Variants in CAMK2A observed in about 807,000 individuals in gnomAD.
CAMK2A encodes calcium/calmodulin dependent protein kinase II alpha, also known as calcium/calmodulin-dependent protein kinase type II subunit alpha.
A neutral mutation model predicts 79.2 loss-of-function variants in CAMK2A; 7 were observed. The ratio of observed to expected loss-of-function variants is 0.09; its 90% CI spans 0.05 to 0.17. The LOEUF (loss-of-function observed/expected upper bound fraction) is 0.17, where lower values mean the gene tolerates loss of function less well. Among genes scored for constraint, CAMK2A ranks in the 10% least tolerant of loss-of-function variants. The pLI, the probability that CAMK2A is intolerant of heterozygous loss-of-function variation, is 1.00. For synonymous variants in CAMK2A, 242 were observed against 251.7 expected (o/e 0.96, Z 0.36); for missense variants, 214 against 646.4 (o/e 0.33, Z 7.25).
intron 7 of CAMK2A, among the ~76,000 whole-genome samples, chr5:150,252,305 T>C (rs1484694579): frequency 6.6e-6 from 1 of 152,174 alleles, no homozygotes; most frequent in Non-Finnish European, 1.5e-5. Flanking sequence ...CTGTCACCAC[T>C]TCCCACTTCA....
At position 150,222,039 on chromosome 5, in the gene CAMK2A, G is replaced by GAT; in HGVS notation, c.*670_*671insAT. On this transcript the variant is annotated 3_prime_UTR_variant, in exon 19 of 19. Transcript: ENST00000671881. Reference sequence around the variant, plus strand: ...TCTCCAGGGATGACGGGGGTGGGGTGGGCAGGTTAATGTTGGAGGTGGACT... The same window carrying GAT: ...TCTCCAGGGATGACGGGGGTGGGGTGATGGCAGGTTAATGTTGGAGGTGGACT... 1.6e-5 allele frequency: 3 copies of GAT among 192,622 alleles called. No individual in the cohort carries two copies. Among genetic ancestry groups the GAT allele is most frequent in the Non-Finnish European group, 3.2e-5 (3 of 92,588 alleles). 11.9% of individuals were successfully genotyped at this position (192,622 alleles called of 1,614,324 possible). A position where few individuals can be genotyped will look rare whatever the true frequency, so the allele number is the denominator to read the frequency against.
Position 150,223,247 on chromosome 5 carries a change from G to A in CAMK2A, c.1238-30C>T. 3 of 1,572,254 alleles carry A rather than the reference G, an allele frequency of 1.9e-6. No homozygotes were observed. The highest frequency in any genetic ancestry group is 2.6e-6 in the Non-Finnish European group (3 of 1,145,962). On this transcript the variant is annotated intron_variant, in intron 17 of 18. Transcript: ENST00000671881. This position sits in a 1 kb window ranked among gnomAD's most constrained non-coding sequence, Gnocchi z 4.1. ...AGGAGGGGATGGGAGGGGCAGAGGA[G>A]ATGCAACCGGGGGCCTCCTGTCTCA...
chr5:150,225,788 A>G (rs1754574856), intron 17 of CAMK2A, among the ~76,000 whole-genome samples: 1 of 152,186 alleles, frequency 6.6e-6, no homozygotes, highest in Non-Finnish European at 1.5e-5. Context: ...TCTGTTGCCC[A>G]GGCTGGAGTG....
intron 2 of CAMK2A, among the ~76,000 whole-genome samples, chr5:150,267,248 GCCCTACCCCACGTCCCATA>G (rs936098667): frequency 2.6e-5 from 4 of 151,926 alleles, no homozygotes; most frequent in Admixed American, 2.0e-4. Flanking sequence ...CACGTCCCAT[GCCCTACCCCACGTCCCATA>G]CCCTACCCCC....
intron 13 of CAMK2A, among the ~76,000 whole-genome samples, chr5:150,240,726 C>A (rs898514547): frequency 1.3e-5 from 2 of 152,228 alleles, no homozygotes; most frequent in East Asian, 3.9e-4. Flanking sequence ...CAAGGCCTCG[C>A]GGCAAGCCAC....
intron 16 of CAMK2A, among the ~76,000 whole-genome samples, chr5:150,228,753 C>T (rs1015436191): frequency 1.8e-4 from 27 of 152,294 alleles, no homozygotes; most frequent in Admixed American, 1.8e-3. Context: ...GACTTCTGCT[C>T]ATCAAGCCAG....
chr5:150,261,216 TG>T (rs1215728896), intron 3 of CAMK2A, among the ~76,000 whole-genome samples: 1 of 151,492 alleles, frequency 6.6e-6, no homozygotes, highest in East Asian at 1.9e-4. Context: ...GCACATGGGT[TG>T]GAATTCAGCC....
intron 1 of CAMK2A, among the ~76,000 whole-genome samples, chr5:150,278,516 G>T (rs1037618265): frequency 6.6e-6 from 1 of 152,192 alleles, no homozygotes; most frequent in Non-Finnish European, 1.5e-5. Context: ...GCAGATGGGT[G>T]GGTGGGCCAG....
At chr5:150,287,572 T>C (rs551429762) in intron 1 of CAMK2A, among the ~76,000 whole-genome samples, 2 of 152,142 alleles carry the variant, frequency 1.3e-5, no homozygotes, top group South Asian at 2.1e-4. Flanking sequence ...CCATCTCCTC[T>C]TGGGGCAAAA....
intron 13 of CAMK2A, among the ~76,000 whole-genome samples, chr5:150,241,736 T>C: frequency 7.5e-6 from 1 of 133,918 alleles, no homozygotes; most frequent in Non-Finnish European, 1.6e-5. Context: ...TTCTCTCCTC[T>C]CCTCCCCTCC....
At chr5:150,235,125 C>A (rs987025182) in intron 15 of CAMK2A, among the ~76,000 whole-genome samples, 1 of 152,204 alleles carries the variant, frequency 6.6e-6, no homozygotes, top group African/African-American at 2.4e-5. Context: ...ATCCCCTCCC[C>A]AATTCTGGAT....
chr5:150,257,481 C>T, intron 4 of CAMK2A, 82 bp downstream of exon 4: 1 of 1,227,698 alleles, frequency 8.1e-7, no homozygotes, highest in South Asian at 1.3e-5. Flanking sequence ...AGAGGGAATT[C>T]AGCCCAAGAG....
Position 150,256,973 on chromosome 5 carries a change from T to C in CAMK2A, c.273-142A>G. 1 of 626,116 alleles carries C rather than the reference T, an allele frequency of 1.6e-6. No homozygotes were observed. Among genetic ancestry groups the C allele is most frequent in the East Asian group, 2.7e-5 (1 of 36,418 alleles). The allele number at this position is 626,116 out of a possible 1,614,324, so 38.8% of individuals were successfully genotyped here. ...AGGAGGGGCCCCAGGGTCACGGGGG[T>C]GTCCCCTGCTGCAATGCCCTTCCTG... On this transcript the variant is annotated intron_variant, in intron 4 of 18. Transcript: ENST00000671881. The surrounding 1 kb of genome is among the most constrained non-coding windows in gnomAD (Gnocchi z 4.6).
At chr5:150,265,135 G>T in intron 2 of CAMK2A, 120 bp from the exon 3 acceptor site, 2 of 755,104 alleles carry the variant, frequency 2.6e-6, no homozygotes, top group Non-Finnish European at 4.7e-6. Flanking sequence ...GGCTGGGAAA[G>T]CTCACCTTCT....
chr5:150,228,782 C>T (rs1482454038), intron 16 of CAMK2A, among the ~76,000 whole-genome samples: 9 of 152,112 alleles, frequency 5.9e-5, no homozygotes, highest in East Asian at 3.8e-4. Flanking sequence ...CTGGAAGGGG[C>T]GAGTTTTCTA....
At chr5:150,248,077 TG>T (rs985416075) in intron 11 of CAMK2A, among the ~76,000 whole-genome samples, 5 of 152,140 alleles carry the variant, frequency 3.3e-5, no homozygotes, top group African/African-American at 1.2e-4. Context: ...CAGATATTAA[TG>T]GGCCCCTTGG....
At chr5:150,245,107 G>A in intron 13 of CAMK2A, 54 bp downstream of exon 13, 3 of 1,570,632 alleles carry the variant, frequency 1.9e-6, no homozygotes, top group Admixed American at 3.4e-5. Flanking sequence ...GCCGGTCTCT[G>A]TTGGCAGAAA....
At chr5:150,253,577 G>A in intron 6 of CAMK2A, 31 bp from the exon 7 acceptor site, 1 of 1,560,410 alleles carries the variant, frequency 6.4e-7, no homozygotes, top group Non-Finnish European at 8.8e-7. Flanking sequence ...GGGAGGAAGG[G>A]GAGGAAAGCG....
At chr5:150,270,811 G>T (rs1034072318) in intron 2 of CAMK2A, among the ~76,000 whole-genome samples, 1 of 152,090 alleles carries the variant, frequency 6.6e-6, no homozygotes, top group Non-Finnish European at 1.5e-5. Context: ...GAGGCGGTTT[G>T]GACAGTGACT....
Sources: allele counts gnomAD v4.1 joint callset (sites outside exome capture counted in the v4.1 genomes callset), GRCh38; gene constraint gnomAD v4.1.1; non-coding constraint Gnocchi (gnomAD v3.1); transcripts MANE v1.5; gene names NCBI Gene and HGNC (gene_info 2026-07-23, HGNC 2026-07-21).